Variants in ZNF280C observed in about 807,000 individuals in gnomAD.
ZNF280C encodes the protein zinc finger protein 280C.
Under a neutral mutation model 53.6 loss-of-function variants are expected in ZNF280C, and 14 were observed. The observed-to-expected ratio is 0.26, with a 90% confidence interval of 0.17 to 0.41. ZNF280C has a LOEUF of 0.41. Ranked by LOEUF, ZNF280C falls within the 10% of genes least tolerant of loss-of-function variation. The pLI is 1.00. For synonymous variants in ZNF280C, 203 were observed against 181.1 expected (o/e 1.12, Z -0.97); for missense variants, 416 against 547.1 (o/e 0.76, Z 2.39).
rs780721322 is a variant in ZNF280C at position 130,215,324 on chromosome X, CCGA to C, written c.1845_1847del (p.Arg616del). ...GACATTCAATGCACTTGTGAATTCC[CCGA>C]CGACACCTTATGGAGACGGAAAAAA... On this transcript the variant is annotated inframe_deletion, in exon 15 of 19. Transcript: ENST00000370978. The C allele has an allele frequency of 6.8e-6, 8 of 1,182,267 alleles. No homozygotes were observed.
At chrX:130,235,343 C>T (rs2032319357) in intron 8 of ZNF280C, among the ~76,000 whole-genome samples, 1 of 111,595 alleles carries the variant, frequency 9.0e-6, no homozygotes, top group Non-Finnish European at 1.9e-5. Flanking sequence ...GGCAAAACCC[C>T]GTCTCTACTA....
In ZNF280C at chrX:130,236,547, G is replaced by T. The variant is rs771185349; in HGVS notation, c.586C>A (p.Pro196Thr). 3.3e-6 allele frequency: 4 copies of T among 1,206,481 alleles called. No individual in the cohort carries two copies. The highest frequency in any genetic ancestry group is 1.8e-5 in the South Asian group (1 of 56,491). The change falls in exon 7 of 19, where the codon CCT (proline) becomes ACT (threonine). Residue 196 changes from proline to threonine, a missense_variant. Around this residue, in one of 3 missense-constraint regions of ZNF280C, gnomAD observed 193 missense variants for 201.4 expected, o/e 0.96. Transcript: ENST00000370978. ...AATGAAGTGGAGGGATTTATCTGAG[G>T]AACATCTTCACTGGTCTTTGGTTTT... Reference protein sequence around the residue: ...PKKPKTSEDVPQINPSTSLPL... With the variant: ...PKKPKTSEDVTQINPSTSLPL...
intron 15 of ZNF280C, among the ~76,000 whole-genome samples, chrX:130,213,306 G>A (rs1257166670): frequency 8.9e-6 from 1 of 112,460 alleles, no homozygotes; most frequent in Non-Finnish European, 1.9e-5. Flanking sequence ...CCGGGAGGCG[G>A]AGCTTGCAGT....
In ZNF280C at chrX:130,243,786, C is replaced by T; in HGVS notation, c.244+14G>A. ...ATTTAACTTTAAAATTGAAATACTACAGTAATACTGTACCTGGACTGTGTG... is the reference window on the plus strand; with the variant it reads ...ATTTAACTTTAAAATTGAAATACTATAGTAATACTGTACCTGGACTGTGTG... On this transcript the variant is annotated intron_variant, in intron 4 of 18. Coordinates refer to ENST00000370978, the MANE Select transcript of ZNF280C (RefSeq NM_017666.5). The T allele has an allele frequency of 2.5e-6, 3 of 1,184,939 alleles. No individual in the cohort carries two copies. Among genetic ancestry groups the T allele is most frequent in the African/African-American group, 1.8e-5 (1 of 56,735 alleles).
intron 1 of ZNF280C, among the ~76,000 whole-genome samples, chrX:130,262,141 G>A (rs1201898486): frequency 2.7e-5 from 3 of 111,900 alleles, no homozygotes; most frequent in Non-Finnish European, 5.6e-5. Context: ...GTCTCAATTG[G>A]TACGCTCATA....
intron 5 of ZNF280C, among the ~76,000 whole-genome samples, chrX:130,241,969 C>T (rs1158672730): frequency 1.1e-5 from 1 of 93,655 alleles, no homozygotes; most frequent in Non-Finnish European, 2.0e-5. Flanking sequence ...GGCGTGGTGG[C>T]TCACGTCTGT....
intron 13 of ZNF280C, among the ~76,000 whole-genome samples, chrX:130,217,949 C>T (rs935219399): frequency 9.0e-6 from 1 of 111,635 alleles, no homozygotes; most frequent in African/African-American, 3.3e-5. Context: ...GGTGGGTGGA[C>T]TGCCTGAGCT....
intron 15 of ZNF280C, among the ~76,000 whole-genome samples, chrX:130,212,188 A>G (rs747642801): frequency 8.9e-6 from 1 of 111,946 alleles, no homozygotes; most frequent in African/African-American, 3.2e-5. Context: ...TGTTTATGCA[A>G]ATGATGCCCT....
chrX:130,265,484 A>G (rs1006535317), intron 1 of ZNF280C, among the ~76,000 whole-genome samples: 63 of 112,654 alleles, frequency 5.6e-4, no homozygotes, highest in African/African-American at 2.0e-3. Context: ...TGTAAGTTTC[A>G]TAAGATATTC....
chrX:130,264,449 A>G lies in ZNF280C; in HGVS notation c.-16-3984T>C, dbSNP rs182424720. ...ATTCCAGGTTGTGCAAGAGAGCTCT[A>G]TAACAATATAATTCTCTTTTTGTTT... On this transcript the variant is annotated intron_variant, in intron 1 of 18. Transcript: ENST00000370978. Among the ~76,000 whole-genome samples, 16 of 111,525 alleles carry G rather than the reference A, an allele frequency of 1.4e-4. No homozygotes were observed. In the East Asian group the frequency reaches 3.6e-3, roughly 25 times the overall value.
In ZNF280C at chrX:130,209,645, A is replaced by G. The variant is rs753311597; in HGVS notation, c.2042+8T>C. The G allele has an allele frequency of 1.7e-6, 2 of 1,197,437 alleles. No individual in the cohort carries two copies. Among genetic ancestry groups the G allele is most frequent in the Non-Finnish European group, 2.3e-6 (2 of 885,238 alleles). On this transcript the variant is annotated splice_region_variant and intron_variant, in intron 16 of 18. Transcript: ENST00000370978. ...CAATTGAAAGAAAAAAAAAAGATCAATGATTACCTGAGAGTTCCTGAATGC... is the reference window on the plus strand; with the variant it reads ...CAATTGAAAGAAAAAAAAAAGATCAGTGATTACCTGAGAGTTCCTGAATGC...
intron 15 of ZNF280C, among the ~76,000 whole-genome samples, chrX:130,212,618 T>TGGG (rs2032051699): frequency 3.1e-4 from 1 of 3,255 alleles, no homozygotes; most frequent in African/African-American, 1.4e-3. Context: ...TAGGTGGCGT[T>TGGG]GGGGGGTGGG....
chrX:130,256,141 A>G (rs780062940), intron 2 of ZNF280C, among the ~76,000 whole-genome samples: 1 of 110,696 alleles, frequency 9.0e-6, no homozygotes, highest in Non-Finnish European at 1.9e-5. Flanking sequence ...CCAAAAAAAA[A>G]TAAGAATAAG....
At chrX:130,231,471 A>G (rs189620378) in intron 8 of ZNF280C, among the ~76,000 whole-genome samples, 5 of 112,078 alleles carry the variant, frequency 4.5e-5, no homozygotes, top group Non-Finnish European at 7.5e-5. Context: ...AAAAAACTAA[A>G]TATCTTATGT....
intron 16 of ZNF280C, among the ~76,000 whole-genome samples, chrX:130,208,949 G>A (rs1185210316): frequency 1.8e-5 from 2 of 111,760 alleles, no homozygotes; most frequent in East Asian, 5.6e-4. Flanking sequence ...ACCCGCCTCA[G>A]CCTCCCAAAG....
At chrX:130,233,623 A>C (rs1165439320) in intron 8 of ZNF280C, among the ~76,000 whole-genome samples, 2 of 33,545 alleles carry the variant, frequency 6.0e-5, no homozygotes, top group Admixed American at 5.3e-4. Context: ...ACTCTGTCTC[A>C]AAAAAAAAAA....
At chrX:130,223,807 A>G (rs898507781) in intron 12 of ZNF280C, among the ~76,000 whole-genome samples, 1 of 112,525 alleles carries the variant, frequency 8.9e-6, no homozygotes, top group East Asian at 2.8e-4. Flanking sequence ...AAAGTTTTCA[A>G]AAAGAATAAA....
chrX:130,231,762 C>A (rs1197443107), intron 8 of ZNF280C, among the ~76,000 whole-genome samples: 1 of 111,427 alleles, frequency 9.0e-6, no homozygotes, highest in Non-Finnish European at 1.9e-5. Context: ...TGTGGTGGCT[C>A]ATGCCTATAA....
chrX:130,233,982 TA>T (rs945069551), intron 8 of ZNF280C, among the ~76,000 whole-genome samples: 40 of 106,516 alleles, frequency 3.8e-4, no homozygotes, highest in Non-Finnish European at 6.6e-4. Flanking sequence ...AGACTTTTTT[TA>T]AAAAAAAAAG....
Sources: allele counts gnomAD v4.1 joint callset (sites outside exome capture counted in the v4.1 genomes callset), GRCh38; gene constraint gnomAD v4.1.1; regional missense constraint gnomAD v4.1.1; transcripts MANE v1.5; gene names NCBI Gene and HGNC (gene_info 2026-07-23, HGNC 2026-07-21).